TRPA1: variants seen among roughly 807,000 people sequenced by gnomAD.
TRPA1 encodes transient receptor potential cation channel subfamily A member 1.
Under a neutral mutation model 131.3 loss-of-function variants are expected in TRPA1, and 129 were observed. The observed-to-expected ratio is 0.98, with a 90% CI of 0.85 to 1.14. The LOEUF is 1.14. Among genes scored for constraint, TRPA1 ranks in the 50% most tolerant of loss-of-function variants. The pLI, the probability that TRPA1 is intolerant of heterozygous loss-of-function variation, is 0.00. For synonymous variants in TRPA1, 441 were observed against 451.7 expected (o/e 0.98, Z 0.30); for missense variants, 1,304 against 1,354.2 (o/e 0.96, Z 0.58).
intron 17 of TRPA1, among the ~76,000 whole-genome samples, chr8:72,042,319 A>G (rs1019540265): frequency 1.3e-5 from 2 of 151,964 alleles, no homozygotes; most frequent in African/African-American, 4.8e-5. Context: ...AAGATGCTCA[A>G]CATCATTCAT....
chr8:72,084,723 C>A, the TRPA1 span, among the ~76,000 whole-genome samples: 1 of 139,774 alleles, frequency 7.2e-6, no homozygotes, highest in African/African-American at 2.7e-5. Context: ...ATGATCTTGA[C>A]TCACTGCAAC....
At position 72,022,502 on chromosome 8, in the gene TRPA1, T is replaced by C. The variant is rs908557924; in HGVS notation, c.*404A>G. On this transcript the variant is annotated 3_prime_UTR_variant, in exon 27 of 27. Transcript: ENST00000262209. ...AGACTATCATCTAAGGCATTATTAA[T>C]ACTTGTGACTATTTTCTAGAGCATC... 9.1e-5 allele frequency: 30 copies of C among 330,310 alleles called. No individual in the cohort carries two copies. The highest frequency in any genetic ancestry group is 5.4e-4 in the African/African-American group (25 of 46,176). The allele number at this position is 330,310 out of a possible 1,614,324, so 20.5% of individuals were successfully genotyped here. A position where few individuals can be genotyped will look rare whatever the true frequency, so the allele number is the denominator to read the frequency against.
chr8:72,045,728 C>T (rs542955544), intron 17 of TRPA1, among the ~76,000 whole-genome samples: 4 of 151,874 alleles, frequency 2.6e-5, no homozygotes, highest in African/African-American at 9.7e-5. Context: ...GTCCTTTTAA[C>T]CAGAAGCCTA....
At chr8:72,057,669 C>A (rs749341769) in intron 9 of TRPA1, 48 bp downstream of exon 9, 2 of 1,421,548 alleles carry the variant, frequency 1.4e-6, no homozygotes, top group South Asian at 2.3e-5. Context: ...GTTCATCCAA[C>A]CAAATTGAGT....
chr8:72,048,295 C>A (rs1158797150), intron 15 of TRPA1, among the ~76,000 whole-genome samples: 1 of 151,970 alleles, frequency 6.6e-6, no homozygotes, highest in African/African-American at 2.4e-5. Flanking sequence ...GACAAAATAC[C>A]CCATATGGCC....
At position 72,071,788 on chromosome 8, in the gene TRPA1, G is replaced by T; in HGVS notation, c.191C>A (p.Thr64Asn). The T allele has an allele frequency of 1.2e-6, 2 of 1,613,460 alleles. No homozygotes were observed. The highest frequency in any genetic ancestry group is 1.7e-6 in the Non-Finnish European group (2 of 1,179,732). ...TGCTGCAGCATAATGCAAGAAGAAG[G>T]TGTCCATATCGTCACATCTTTTTAA... ...KKLKRCDDMD[T>N]FFLHYAAAEG... is the part of the protein sequence containing the mutation. Residue 64 changes from threonine (T) to asparagine (N), a missense_variant, in exon 2 of 27, where the codon ACC becomes AAC. By Grantham distance (65) the Thr-to-Asn change is moderately conservative. Transcript: ENST00000262209.
In TRPA1 at chr8:72,023,039, G is replaced by T. The variant is rs1811453528; in HGVS notation, c.3227C>A (p.Ser1076Tyr). Residue 1076 changes from serine to tyrosine, a missense_variant, in exon 27 of 27, where the codon TCT (serine) becomes TAT (tyrosine). Coordinates refer to ENST00000262209, the MANE Select transcript of TRPA1 (RefSeq NM_007332.3). ...ATGGCTATCATCATCCTCTGTCTCA[G>T]AGATGATCTCCATCTTCTGAATGAT... Reference protein sequence around the residue: ...KLIIQKMEIISETEDDDSHCS... With the variant: ...KLIIQKMEIIYETEDDDSHCS... The T allele has an allele frequency of 2.5e-6, 4 of 1,613,624 alleles. No individual in the cohort carries two copies. In the South Asian group the frequency reaches 4.4e-5, roughly 18 times the overall value.
At chr8:72,047,625 A>G (rs1204774531) in intron 15 of TRPA1, among the ~76,000 whole-genome samples, 5 of 152,160 alleles carry the variant, frequency 3.3e-5, no homozygotes, top group African/African-American at 1.2e-4. Flanking sequence ...ACATATTTCC[A>G]TAAGTAGAAA....
intron 13 of TRPA1, 177 bp from the exon 14 acceptor site, chr8:72,052,942 G>T: frequency 1.8e-6 from 1 of 565,680 alleles, no homozygotes; most frequent in Non-Finnish European, 3.1e-6. Context: ...AGCATGGTGT[G>T]TGTGCATGTG....
chr8:72,083,198 C>A, the TRPA1 span, among the ~76,000 whole-genome samples: 1 of 152,006 alleles, frequency 6.6e-6, no homozygotes, highest in African/African-American at 2.4e-5. Context: ...AACATATTTT[C>A]CTTTCATTCT....
intron 24 of TRPA1, 83 bp downstream of exon 24, chr8:72,029,818 C>T (rs1158045383): frequency 7.5e-7 from 1 of 1,334,608 alleles, no homozygotes; most frequent in Non-Finnish European, 1.1e-6. Flanking sequence ...ACAAAATGCC[C>T]ATTTTTGACT....
chr8:72,075,840 C>A (rs916040567), upstream of TRPA1, among the ~76,000 whole-genome samples: 1 of 150,048 alleles, frequency 6.7e-6, no homozygotes, highest in South Asian at 2.1e-4. Flanking sequence ...CCTTGCCCTG[C>A]CCCCCAACCT....
chr8:72,042,628 A>G (rs1282001389), intron 17 of TRPA1, among the ~76,000 whole-genome samples: 3 of 151,944 alleles, frequency 2.0e-5, no homozygotes, highest in African/African-American at 7.2e-5. Context: ...CTATAGCATT[A>G]TTCACAATAG....
At position 72,036,475 on chromosome 8, in the gene TRPA1, A is replaced by C; in HGVS notation, c.2386-18T>G. The C allele has an allele frequency of 6.2e-7, 1 of 1,606,410 alleles. No homozygotes were observed. The highest frequency in any genetic ancestry group is 8.5e-7 in the Non-Finnish European group (1 of 1,173,520). ...TTCCTTTTCTGGGATAGAAAAGAAT[A>C]AAAAATTACCACATATAGAGACCTA... On this transcript the variant is annotated intron_variant, in intron 20 of 26. Transcript: ENST00000262209.
chr8:72,023,493 G>GT (rs1811470393), intron 26 of TRPA1: 3 of 418,988 alleles, frequency 7.2e-6, no homozygotes, highest in Middle Eastern at 6.9e-4. Context: ...GTTACTCCAG[G>GT]GATCTTCAGA....
At chr8:72,042,026 C>A (rs1812269979) in intron 17 of TRPA1, among the ~76,000 whole-genome samples, 1 of 151,792 alleles carries the variant, frequency 6.6e-6, no homozygotes, top group Admixed American at 6.6e-5. Context: ...GGACAGGCAA[C>A]TAAAGCAAAA....
chr8:72,068,096 G>A (rs530968162), intron 3 of TRPA1, among the ~76,000 whole-genome samples: 1 of 152,324 alleles, frequency 6.6e-6, no homozygotes, highest in South Asian at 2.1e-4. Context: ...AAAGCAGAAA[G>A]TGGCTCCTCT....
chr8:72,065,549 C>A lies in TRPA1; in HGVS notation c.454G>T (p.Glu152Ter). ...MNNEVMKVLL[E>*]HRTIDVNLEG... Reference sequence around the variant, plus strand: ...AAATTAACATCAATAGTTCTATGCTCAAGCAAGACCTAAAAAAAGGGGAGA... The same window carrying A: ...AAATTAACATCAATAGTTCTATGCTAAAGCAAGACCTAAAAAAAGGGGAGA... The change falls in exon 4 of 27, where the codon GAG becomes TAG. Residue 152 changes from glutamate (E) to a stop codon, truncating the protein, a stop_gained. Transcript: ENST00000262209. LOFTEE classifies it high-confidence loss of function. 1.2e-6 allele frequency: 2 copies of A among 1,612,852 alleles called. No individual in the cohort carries two copies. The highest frequency in any genetic ancestry group is 2.2e-5 in the South Asian group (2 of 91,010).
intron 23 of TRPA1, among the ~76,000 whole-genome samples, chr8:72,033,184 A>G (rs1181018404): frequency 6.6e-6 from 1 of 152,262 alleles, no homozygotes; most frequent in African/African-American, 2.4e-5. Flanking sequence ...GATATGTTCC[A>G]TAAAGGTCTC....
Sources: allele counts gnomAD v4.1 joint callset (sites outside exome capture counted in the v4.1 genomes callset), GRCh38; gene constraint gnomAD v4.1.1; transcripts MANE v1.5; gene names NCBI Gene and HGNC (gene_info 2026-07-23, HGNC 2026-07-21).